Variants in SELE observed in about 807,000 individuals in gnomAD.
SELE encodes selectin E, also known as E-selectin.
In SELE, 52 loss-of-function variants were observed where a neutral mutation model predicts 75.8. The observed-to-expected ratio is 0.69, with a 90% CI of 0.55 to 0.86. The LOEUF is 0.86. Among genes scored for constraint, SELE ranks in the 40% least tolerant of loss-of-function variants. The pLI is 0.00. For missense variants in SELE, 754 were observed against 732.7 expected, an observed-to-expected ratio of 1.03 and a Z score of -0.34; for synonymous variants, 285 against 258.7, an observed-to-expected ratio of 1.10 and a Z score of -0.98.
chr1:169,726,599 C>G (rs1428349371), intron 11 of SELE, 100 bp downstream of exon 11: 1 of 839,860 alleles, frequency 1.2e-6, no homozygotes, highest in African/African-American at 1.7e-5. Flanking sequence ...TATCCAGATT[C>G]TAATTATTGT....
At chr1:169,732,084 G>T in intron 3 of SELE, 142 bp from the exon 4 acceptor site, 1 of 526,146 alleles carries the variant, frequency 1.9e-6, no homozygotes, top group Non-Finnish European at 3.4e-6. Flanking sequence ...GTTTTACAAA[G>T]TTCCAAATCT....
intron 4 of SELE, 65 bp downstream of exon 4, chr1:169,731,770 T>C (rs1022195449): frequency 1.8e-6 from 2 of 1,106,066 alleles, no homozygotes; most frequent in South Asian, 1.3e-5. Context: ...CTGACTCTAA[T>C]GCCAGCTAGG....
At chr1:169,733,683 G>T (rs1648975139) in intron 1 of SELE, 23 bp from the exon 2 acceptor site, 1 of 1,449,146 alleles carries the variant, frequency 6.9e-7, no homozygotes, top group South Asian at 1.1e-5. Context: ...AACACAAAAT[G>T]AATTAAAGAA....
At chr1:169,729,161 A>T (rs377358777) in intron 7 of SELE, 25 bp downstream of exon 7, 3 of 1,562,110 alleles carry the variant, frequency 1.9e-6, no homozygotes, top group African/African-American at 2.7e-5. Context: ...TTAAGAAAGT[A>T]TAAATCGAAG....
chr1:169,726,928 A>G (rs949101263), intron 10 of SELE, 122 bp from the exon 11 acceptor site: 2 of 684,158 alleles, frequency 2.9e-6, no homozygotes, highest in African/African-American at 3.6e-5. Context: ...TATCTAGTTT[A>G]ATACAAGAAG....
chr1:169,730,290 T>C (rs546381671), intron 5 of SELE, 142 bp downstream of exon 5: 2 of 724,142 alleles, frequency 2.8e-6, no homozygotes, highest in East Asian at 2.7e-5. Context: ...GCAATATACA[T>C]TGGCTGAGAG....
At position 169,729,560 on chromosome 1, in the gene SELE, C is replaced by T. The variant is rs958543861; in HGVS notation, c.829G>A (p.Glu277Lys). The T allele has an allele frequency of 1.2e-6, 2 of 1,614,032 alleles. No individual in the cohort carries two copies. Among genetic ancestry groups the T allele is most frequent in the African/African-American group, 2.7e-5 (2 of 74,920 alleles). The part of the protein sequence containing the change: ...TCTFDCEEGF[E>K]LMGAQSLQCT... ...TGAAGGCTCTGGGCTCCCATTAGTT[C>T]AAATCCTTCTTCACAGTCAAATGTA... Residue 277 changes from glutamate (E) to lysine (K), a missense_variant, in exon 6 of 14, where the codon GAA (glutamate) becomes AAA (lysine). Glu to Lys is a moderately conservative substitution (Grantham distance 56). Transcript: ENST00000333360.
rs574347935 is a variant in SELE, at chr1:169,725,904, T to C, written c.1775+3A>G. ...GCATGCTTTGTATAAGAATGCAACT[T>C]ACCTGGCAGGAACAAATTTCTTTGC... On this transcript the variant is annotated splice_donor_region_variant and intron_variant, in intron 12 of 13. Transcript: ENST00000333360. 162 of 1,614,078 alleles carry C rather than the reference T, an allele frequency of 1.0e-4. 1 individual carries two copies. In the South Asian group the frequency reaches 1.7e-3, roughly 17 times the overall value.
rs544751228 is a variant in SELE at position 169,724,266 on chromosome 1, T to C, written c.*259A>G. The stretch of plus-strand genomic sequence containing the variant: ...CTCTTCACCTTTGCTTGGAAGAAAA[T>C]ATCCTTTCCCTTCATTAGCCAACAC... On this transcript the variant is annotated 3_prime_UTR_variant, in exon 14 of 14. Transcript: ENST00000333360. The C allele has an allele frequency of 6.6e-6, 1 of 152,292 alleles. No individual in the cohort carries two copies. Among genetic ancestry groups the C allele is most frequent in the South Asian group, 2.1e-4 (1 of 4,826 alleles). 9.4% of individuals were successfully genotyped at this position (152,292 alleles called of 1,614,324 possible).
chr1:169,727,261 G>A (rs1648795804), intron 10 of SELE, 88 bp downstream of exon 10: 4 of 1,421,006 alleles, frequency 2.8e-6, no homozygotes, highest in Non-Finnish European at 3.8e-6. Flanking sequence ...TTCTGGTTTG[G>A]ATATAATGAA....
chr1:169,733,195 G>A (rs1256433472), intron 2 of SELE, among the ~76,000 whole-genome samples, 197 bp from the exon 3 acceptor site: 1 of 152,066 alleles, frequency 6.6e-6, no homozygotes, highest in Non-Finnish European at 1.5e-5. Flanking sequence ...CCACCCACTA[G>A]GTACCTTATC....
Position 169,729,548 on chromosome 1 carries a change from C to T in SELE, c.841G>A (p.Ala281Thr), listed in dbSNP as rs1648857982. Residue 281 changes from alanine to threonine, a missense_variant, in exon 6 of 14, where the codon GCC becomes ACC. Transcript: ENST00000333360. ...DCEEGFELMGAQSLQCTSSGN... is the reference protein window; with the variant it reads ...DCEEGFELMGTQSLQCTSSGN... ...GATGAGGTACACTGAAGGCTCTGGG[C>T]TCCCATTAGTTCAAATCCTTCTTCA... is the stretch of plus-strand genomic sequence containing the variant. 2.5e-6 allele frequency: 4 copies of T among 1,614,186 alleles called. No individual in the cohort carries two copies. Among genetic ancestry groups the T allele is most frequent in the Non-Finnish European group, 3.4e-6 (4 of 1,180,002 alleles).
At chr1:169,732,471 A>C in intron 3 of SELE, 144 bp downstream of exon 3, 4 of 951,898 alleles carry the variant, frequency 4.2e-6, no homozygotes, top group Non-Finnish European at 4.6e-6. Context: ...CACACAAAAC[A>C]GCAAAAGAGA....
intron 4 of SELE, 104 bp downstream of exon 4, chr1:169,731,731 C>A (rs947695608): frequency 1.5e-5 from 11 of 732,448 alleles, no homozygotes; most frequent in African/African-American, 1.4e-4. Context: ...ATGACACCAT[C>A]TGCACCAGGG....
chr1:169,729,407 G>A, intron 6 of SELE, 33 bp from the exon 7 acceptor site: 1 of 1,609,660 alleles, frequency 6.2e-7, no homozygotes, highest in Non-Finnish European at 8.5e-7. Context: ...TATTAGCACG[G>A]CCTAGAATTA....
chr1:169,724,737 A>T (rs1648704095), intron 13 of SELE, among the ~76,000 whole-genome samples: 1 of 152,194 alleles, frequency 6.6e-6, no homozygotes, highest in East Asian at 1.9e-4. Context: ...TGTGGACATT[A>T]ATGAATAATA....
rs775330807 is a variant in SELE, at chr1:169,731,938, G to T, written c.426C>A (p.Ala142=). The stretch of plus-strand genomic sequence containing the variant: ...GGCCACTGCAGGATGTATTGGTACA[G>T]GCAGCTACGGAAAATACAAAGCATG... ...KKKLALCYTA[A]CTNTSCSGHG... is the part of the protein sequence containing the mutation. Residue 142 remains alanine, a synonymous_variant, in exon 4 of 14, where the codon GCC becomes GCA. Coordinates refer to ENST00000333360, the MANE Select transcript of SELE (RefSeq NM_000450.2). The T allele has an allele frequency of 1.9e-6, 3 of 1,605,636 alleles. No homozygotes were observed. The East Asian group carries it at 6.7e-5, about 36-fold the overall frequency.
chr1:169,727,630 G>C, intron 9 of SELE, 105 bp from the exon 10 acceptor site: 1 of 1,534,276 alleles, frequency 6.5e-7, no homozygotes. Context: ...GCGCTACTTA[G>C]TTTTCAGCAT....
intron 3 of SELE, 139 bp from the exon 4 acceptor site, chr1:169,732,081 A>G: frequency 1.9e-6 from 1 of 533,216 alleles, no homozygotes; most frequent in Non-Finnish European, 3.4e-6. Flanking sequence ...AGTGTTTTAC[A>G]AAGTTCCAAA....
Sources: allele counts gnomAD v4.1 joint callset (sites outside exome capture counted in the v4.1 genomes callset), GRCh38; gene constraint gnomAD v4.1.1; transcripts MANE v1.5; gene names NCBI Gene and HGNC (gene_info 2026-07-23, HGNC 2026-07-21).